Variants in DNAH9 observed in about 807,000 individuals in gnomAD.
DNAH9 encodes the protein dynein axonemal heavy chain 9.
Under a neutral mutation model 471.6 loss-of-function variants are expected in DNAH9, and 345 were observed. The observed-to-expected ratio is 0.73, with a 90% confidence interval of 0.67 to 0.80. The LOEUF (loss-of-function observed/expected upper bound fraction) is 0.80, where lower values mean the gene tolerates loss of function less well. Among genes scored for constraint, DNAH9 ranks in the 30% least tolerant of loss-of-function variants. The pLI is 0.00. For synonymous variants in DNAH9, 2,093 were observed against 2,123.6 expected, an observed-to-expected ratio of 0.99 and a Z score of 0.40; for missense variants, 5,407 against 5,609.2, an observed-to-expected ratio of 0.96 and a Z score of 1.15.
chr17:11,607,010 T>C (rs2150633622), intron 1 of DNAH9, among the ~76,000 whole-genome samples: 1 of 152,230 alleles, frequency 6.6e-6, no homozygotes, highest in Admixed American at 6.5e-5. Flanking sequence ...TGGGGATGAA[T>C]ACTGAAAAAA....
rs1365656313 is a variant in DNAH9, at chr17:11,694,698, CTT to C, written c.4872+253_4872+254del. Among the ~76,000 whole-genome samples, 2 of 2,842 alleles carry C rather than the reference CTT, an allele frequency of 7.0e-4. 1 individual carries two copies. The allele number at this position is 2,842 out of a possible 152,430, so 1.9% of individuals were successfully genotyped here. On this transcript the variant is annotated intron_variant, in intron 22 of 68. Transcript: ENST00000262442. ...GCTTTCTCGCTTTCTCGCTTTCTCG[CTT>C]TCTCTCTCTCTCTCTCTCTCTCTCT...
chr17:11,923,893 G>A lies in DNAH9; in HGVS notation c.11829G>A (p.Glu3943=). The A allele has an allele frequency of 1.2e-6, 2 of 1,614,044 alleles. No homozygotes were observed. Among genetic ancestry groups the A allele is most frequent in the South Asian group, 2.2e-5 (2 of 91,068 alleles). The change falls in exon 62 of 69, where the codon GAG becomes GAA. Residue 3943 remains glutamate (E), a synonymous_variant. Coordinates refer to ENST00000262442, the MANE Select transcript of DNAH9 (RefSeq NM_001372.4). ...GGCAAGGACAGGAAGTGGTGGCTGA[G>A]GCTGCGCTGGACCTCGCTGCCAAGA... ...SLGQGQEVVA[E]AALDLAAKKG... is the part of the protein sequence containing the mutation.
At chr17:11,618,358 C>T (rs574996352) in intron 5 of DNAH9, among the ~76,000 whole-genome samples, 12 of 152,124 alleles carry the variant, frequency 7.9e-5, no homozygotes, top group African/African-American at 2.4e-4. Context: ...GAGGCTGAGG[C>T]GGGCAGATCA....
intron 17 of DNAH9, among the ~76,000 whole-genome samples, chr17:11,677,571 T>C (rs979941053): frequency 1.3e-5 from 2 of 152,184 alleles, no homozygotes; most frequent in Non-Finnish European, 2.9e-5. Flanking sequence ...ATAGAACTGA[T>C]TTTTTAAATC....
intron 67 of DNAH9, chr17:11,953,756 C>CAAAAAA (rs34905733): frequency 1.2e-5 from 1 of 84,522 alleles, no homozygotes; most frequent in Non-Finnish European, 2.4e-5. Context: ...GACTCCAGCT[C>CAAAAAA]AAAAAAAAAA....
Position 11,598,704 on chromosome 17 carries a change from G to GGT in DNAH9, c.207_208insTG (p.Pro70CysfsTer65). The GGT allele has an allele frequency of 7.3e-7, 1 of 1,372,408 alleles. No individual in the cohort carries two copies. The highest frequency in any genetic ancestry group is 9.3e-7 in the Non-Finnish European group (1 of 1,069,558). The allele number at this position is 1,372,408 out of a possible 1,614,324, so 85.0% of individuals were successfully genotyped here. On this transcript the variant is annotated frameshift_variant, in exon 1 of 69. Coordinates refer to ENST00000262442, the MANE Select transcript of DNAH9 (RefSeq NM_001372.4). LOFTEE classifies it high-confidence loss of function. The stretch of plus-strand genomic sequence containing the variant: ...GGCCGCGATGCTGCCGAGGGGCCGC[G>GGT]GCCGCTGCTGGTGGTGCGGCCCGGG...
At chr17:11,659,193 C>G (rs2073708664) in intron 14 of DNAH9, among the ~76,000 whole-genome samples, 2 of 151,924 alleles carry the variant, frequency 1.3e-5, no homozygotes. Flanking sequence ...TGCCTAACAC[C>G]TTTATTAGTT....
intron 67 of DNAH9, among the ~76,000 whole-genome samples, chr17:11,948,224 CTTTTTTTTTTT>C (rs1211322234): frequency 3.5e-5 from 3 of 86,748 alleles, no homozygotes; most frequent in African/African-American, 1.1e-4. Context: ...TAATCTGGCT[CTTTTTTTTTTT>C]TTTTTTTTTT....
At position 11,690,200 on chromosome 17, in the gene DNAH9, C is replaced by A. The variant is rs774641556; in HGVS notation, c.4378C>A (p.Pro1460Thr). 4.2e-5 allele frequency: 67 copies of A among 1,614,048 alleles called. No homozygotes were observed. In the Middle Eastern group the frequency reaches 4.9e-4, roughly 12 times the overall value. ...TGAGCCCCACCCACGGACCAATGTC[C>A]CCCTCCTGTGCTCTGATGAGGACCT... ...QYEPHPRTNV[P>T]LLCSDEDLIE... The change falls in exon 20 of 69, where the codon CCC becomes ACC. Residue 1460 changes from proline (P) to threonine (T), a missense_variant. Physicochemically the swap from Pro to Thr is conservative, Grantham distance 38 (BLOSUM62 -1). This residue lies in a region of DNAH9 where 4,636 missense variants were observed against 4,900.3 expected (regional missense o/e 0.95). Coordinates refer to ENST00000262442, the MANE Select transcript of DNAH9 (RefSeq NM_001372.4).
rs1976739971 is a variant in DNAH9, at chr17:11,966,528, GATATAGA to G, written c.13234-2767_13234-2761del. On this transcript the variant is annotated intron_variant, in intron 68 of 68. Coordinates refer to ENST00000262442, the MANE Select transcript of DNAH9 (RefSeq NM_001372.4). ...AGACAGAAACTCAAGTCCACACAAA[GATATAGA>G]ATATTGACAAAGGCAATTACATATG... Among the ~76,000 whole-genome samples, 4 of 152,148 alleles carry G rather than the reference GATATAGA, an allele frequency of 2.6e-5. No homozygotes were observed. In the South Asian group the frequency reaches 8.3e-4, roughly 31 times the overall value.
rs150122579 is a variant in DNAH9 at position 11,636,702 on chromosome 17, G to T, written c.1704G>T (p.Leu568=). ...CGAGGGATACATCTGATAAATACCTGGTCCTCATCCAAATGTTCAACAAAG... is the reference window on the plus strand; with the variant it reads ...CGAGGGATACATCTGATAAATACCTTGTCCTCATCCAAATGTTCAACAAAG... The part of the protein sequence containing the change: ...LVARDTSDKY[L]VLIQMFNKDL... The change falls in exon 9 of 69, where the codon CTG becomes CTT. Residue 568 remains leucine, a synonymous_variant. Transcript: ENST00000262442. 6.8e-4 allele frequency: 1,090 copies of T among 1,613,498 alleles called. 7 individuals carry two copies. The African/African-American group carries it at 0.013, about 19-fold the overall frequency.
At chr17:11,812,010 AAAAAAAAAAAAAAAAAATATATATATAT>A (rs1969929250) in intron 45 of DNAH9, among the ~76,000 whole-genome samples, 1 of 53,968 alleles carries the variant, frequency 1.9e-5, no homozygotes, top group African/African-American at 8.9e-5. Context: ...AAAAAAAAAA[AAAAAAAAAAAAAAAAAATATATATATAT>A]ATATATATAT....
intron 35 of DNAH9, among the ~76,000 whole-genome samples, chr17:11,759,086 C>A (rs529617890): frequency 0.014 from 332 of 23,944 alleles, 1 homozygote; most frequent in Non-Finnish European, 0.043. Context: ...TATCCCTGTT[C>A]TTTTTTTTTT....
chr17:11,672,741 T>C (rs2073991674), intron 17 of DNAH9, among the ~76,000 whole-genome samples: 1 of 152,068 alleles, frequency 6.6e-6, no homozygotes. Context: ...TCCAACGCCC[T>C]TCACTCTACC....
intron 35 of DNAH9, among the ~76,000 whole-genome samples, chr17:11,761,597 A>C (rs1040320709): frequency 6.6e-5 from 10 of 152,142 alleles, no homozygotes; most frequent in African/African-American, 2.4e-4. Context: ...CCACACCTGG[A>C]TTCCAGGAGA....
chr17:11,747,473 C>A, intron 31 of DNAH9, 83 bp from the exon 32 acceptor site: 1 of 1,105,884 alleles, frequency 9.0e-7, no homozygotes, highest in Non-Finnish European at 1.4e-6. Context: ...TCACTTCAGA[C>A]ACCAGCTGGG....
Position 11,822,815 on chromosome 17 carries a change from G to A in DNAH9, c.9027G>A (p.Gln3009=). 1 of 1,614,238 alleles carries A rather than the reference G, an allele frequency of 6.2e-7. No individual in the cohort carries two copies. The highest frequency in any genetic ancestry group is 8.5e-7 in the Non-Finnish European group (1 of 1,180,046). Residue 3009 remains glutamine, a synonymous_variant, in exon 48 of 69, where the codon CAG becomes CAA. Transcript: ENST00000262442. ...TTTGGTTTTAGCCCACAGTAAAGCA[G>A]TCGATTAGCAAATTCATGGCCTTTG... The part of the protein sequence containing the change: ...NTEGIEPTVK[Q]SISKFMAFVH...
rs185715484 is a variant in DNAH9, at chr17:11,664,290, T to C, written c.2596-543T>C. ...AAGGAGGGGAGAGAGAGAGAGAGAG[T>C]GAGAGAGAGAGAGAGAGAAACATTT... On this transcript the variant is annotated intron_variant, in intron 14 of 68. Transcript: ENST00000262442. Among the ~76,000 whole-genome samples, 10 of 129,756 alleles carry C rather than the reference T, an allele frequency of 7.7e-5. No individual in the cohort carries two copies. In the East Asian group the frequency reaches 2.0e-3, roughly 26 times the overall value. The allele number at this position is 129,756 out of a possible 152,430, so 85.1% of individuals were successfully genotyped here.
intron 66 of DNAH9, among the ~76,000 whole-genome samples, chr17:11,940,427 C>T (rs1163483702): frequency 6.6e-6 from 1 of 152,174 alleles, no homozygotes; most frequent in African/African-American, 2.4e-5. Context: ...AATGGAAGCT[C>T]GCTGATATAG....
Sources: gnomAD v4.1 joint callset for allele counts (sites outside exome capture counted in the v4.1 genomes callset) on GRCh38, gnomAD v4.1.1 for gene constraint, gnomAD v4.1.1 regional missense constraint, MANE v1.5 for transcripts, NCBI Gene and HGNC (gene_info 2026-07-23, HGNC 2026-07-21) for gene names.